The following CUL3 variants were observed in gnomAD, a reference collection of about 807,000 sequenced individuals.
CUL3 encodes the protein cullin-3.
CUL3 carries 19 observed loss-of-function variants against 89.1 expected under a neutral mutation model. The ratio of observed to expected loss-of-function variants is 0.21; its 90% confidence interval spans 0.15 to 0.31. The LOEUF is 0.31. Ranked by LOEUF, CUL3 falls within the 10% of genes least tolerant of loss-of-function variation. CUL3 has a pLI of 1.00. For synonymous variants in CUL3, 351 were observed against 308.4 expected (o/e 1.14, Z -1.45); for missense variants, 469 against 942.3 (o/e 0.50, Z 6.58).
chr2:224,477,294 C>T (rs1234391475), intron 15 of CUL3, among the ~76,000 whole-genome samples: 1 of 152,142 alleles, frequency 6.6e-6, no homozygotes, highest in African/African-American at 2.4e-5. Flanking sequence ...CTCATGAGTT[C>T]CCAGGTGATG....
intron 13 of CUL3, among the ~76,000 whole-genome samples, chr2:224,493,054 T>C (rs772450851): frequency 6.6e-6 from 1 of 152,182 alleles, no homozygotes; most frequent in African/African-American, 2.4e-5. Context: ...AACCGTCAGA[T>C]GACCAGAACC....
intron 15 of CUL3, among the ~76,000 whole-genome samples, chr2:224,477,197 C>G (rs541269276): frequency 1.4e-4 from 22 of 152,140 alleles, no homozygotes; most frequent in Non-Finnish European, 2.6e-4. Flanking sequence ...ACCTACAGCT[C>G]GTGTTAAAAA....
chr2:224,482,392 A>G (rs553392631), intron 13 of CUL3, among the ~76,000 whole-genome samples: 3 of 152,262 alleles, frequency 2.0e-5, no homozygotes, highest in Non-Finnish European at 4.4e-5. Flanking sequence ...AGGTAAAAAT[A>G]AAGTGTTAAC....
At position 224,474,166 on chromosome 2, in the gene CUL3, A is replaced by C; in HGVS notation, c.*79T>G. The C allele has an allele frequency of 7.1e-7, 1 of 1,410,784 alleles. No individual in the cohort carries two copies. The highest frequency in any genetic ancestry group is 1.4e-5 in the African/African-American group (1 of 69,754). 87.4% of individuals were successfully genotyped at this position (1,410,784 alleles called of 1,614,324 possible). A position where few individuals can be genotyped will look rare whatever the true frequency, so the allele number is the denominator to read the frequency against. ...ATTTAATAGAAGAGATGGTCGTCTT[A>C]ATATTTAATGATTTAAAAGAACTTC... On this transcript the variant is annotated 3_prime_UTR_variant, in exon 16 of 16. Transcript: ENST00000264414.
At chr2:224,577,779 C>A (rs1413381617) in intron 1 of CUL3, among the ~76,000 whole-genome samples, 1 of 152,126 alleles carries the variant, frequency 6.6e-6, no homozygotes, top group Non-Finnish European at 1.5e-5. Context: ...CAAATTAAAG[C>A]ATTAAAGTAC....
At chr2:224,505,593 TTTTTTTC>T (rs1169017458) in intron 8 of CUL3, among the ~76,000 whole-genome samples, 21 of 152,118 alleles carry the variant, frequency 1.4e-4, no homozygotes, top group African/African-American at 4.6e-4. Context: ...GTGCCACTAA[TTTTTTTC>T]TTTTTTCTTT....
At chr2:224,567,392 A>G (rs765674585) in intron 1 of CUL3, among the ~76,000 whole-genome samples, 2 of 151,988 alleles carry the variant, frequency 1.3e-5, no homozygotes, top group Non-Finnish European at 2.9e-5. Context: ...TAATATTTTT[A>G]ATTTTTTTTG....
intron 2 of CUL3, among the ~76,000 whole-genome samples, chr2:224,535,890 C>T (rs923506349): frequency 2.4e-4 from 36 of 152,176 alleles, no homozygotes; most frequent in African/African-American, 6.8e-4. Flanking sequence ...TCCCAACCCT[C>T]CAGTGACTTG....
intron 6 of CUL3, among the ~76,000 whole-genome samples, chr2:224,509,424 C>T (rs1162551566): frequency 6.6e-6 from 1 of 152,154 alleles, no homozygotes; most frequent in Non-Finnish European, 1.5e-5. Context: ...ACCAATTTGC[C>T]CAGGTTGGTC....
At chr2:224,551,506 ATTTTTTT>A (rs374647901) in intron 2 of CUL3, among the ~76,000 whole-genome samples, 2 of 139,634 alleles carry the variant, frequency 1.4e-5, no homozygotes, top group Non-Finnish European at 3.1e-5. Flanking sequence ...CGCCTGGTCA[ATTTTTTT>A]TTTTTTTTTT....
At chr2:224,557,902 A>AAAAAAAAAAAC in intron 1 of CUL3, 46 bp from the exon 2 acceptor site, 3 of 1,099,334 alleles carry the variant, frequency 2.7e-6, no homozygotes, top group Non-Finnish European at 2.6e-6. Flanking sequence ...AAAAAAAAAA[A>AAAAAAAAAAAC]AAACCAATGG....
chr2:224,536,916 A>G (rs1693921023), intron 2 of CUL3, among the ~76,000 whole-genome samples: 1 of 152,198 alleles, frequency 6.6e-6, no homozygotes, highest in African/African-American at 2.4e-5. Flanking sequence ...TTGGGACTAT[A>G]CTGCCAACTT....
chr2:224,545,569 C>A (rs190587961), intron 2 of CUL3, among the ~76,000 whole-genome samples: 2 of 152,284 alleles, frequency 1.3e-5, no homozygotes, highest in Non-Finnish European at 1.5e-5. Context: ...GTCCTATTAT[C>A]AGATATCAAC....
chr2:224,506,163 T>TG, intron 7 of CUL3, 31 bp from the exon 8 acceptor site: 1 of 1,444,846 alleles, frequency 6.9e-7, no homozygotes, highest in Non-Finnish European at 9.3e-7. Flanking sequence ...TTAGGACACA[T>TG]TATAATAATT....
At chr2:224,581,247 T>C (rs1251967537) in intron 1 of CUL3, among the ~76,000 whole-genome samples, 1 of 151,626 alleles carries the variant, frequency 6.6e-6, no homozygotes, top group Non-Finnish European at 1.5e-5. Context: ...AGACAGAAAC[T>C]AGCCAGGCGT....
At chr2:224,551,022 G>C (rs890739102) in intron 2 of CUL3, among the ~76,000 whole-genome samples, 1 of 151,512 alleles carries the variant, frequency 6.6e-6, no homozygotes, top group Non-Finnish European at 1.5e-5. Flanking sequence ...ACTTATGATG[G>C]GATTTTATTC....
At chr2:224,532,091 T>A (rs894340299) in intron 3 of CUL3, among the ~76,000 whole-genome samples, 2 of 152,214 alleles carry the variant, frequency 1.3e-5, no homozygotes, top group African/African-American at 4.8e-5. Context: ...GATTATGAGC[T>A]CATTTGGACA....
At chr2:224,563,923 A>G (rs572111059) in intron 1 of CUL3, among the ~76,000 whole-genome samples, 1 of 152,298 alleles carries the variant, frequency 6.6e-6, no homozygotes, top group African/African-American at 2.4e-5. Context: ...CCTTTAAGTG[A>G]AAAGGTGAAA....
intron 9 of CUL3, 42 bp from the exon 10 acceptor site, chr2:224,503,114 T>A (rs780798257): frequency 8.7e-7 from 1 of 1,148,594 alleles, no homozygotes; most frequent in South Asian, 1.3e-5. Flanking sequence ...AAATGGTAGA[T>A]GTTTCTATGA....
Sources: gnomAD v4.1 joint callset for allele counts (sites outside exome capture counted in the v4.1 genomes callset) on GRCh38, gnomAD v4.1.1 for gene constraint, MANE v1.5 for transcripts, NCBI Gene and HGNC (gene_info 2026-07-23, HGNC 2026-07-21) for gene names.